Variants in YTHDF3 observed in about 807,000 individuals in gnomAD.
YTHDF3 encodes YTH domain-containing family protein 3.
YTHDF3 carries 9 observed loss-of-function variants against 52.5 expected under a neutral mutation model. That is an observed-to-expected ratio of 0.17 (90% confidence interval 0.10 to 0.30). The LOEUF (loss-of-function observed/expected upper bound fraction) is 0.30. Among genes scored for constraint, YTHDF3 ranks in the 10% least tolerant of loss-of-function variants. The pLI, the probability that YTHDF3 is intolerant of heterozygous loss-of-function variation, is 1.00. For missense variants in YTHDF3, 534 were observed against 715.0 expected (o/e 0.75, Z 2.89); for synonymous variants, 274 against 243.3 (o/e 1.13, Z -1.18).
intron 4 of YTHDF3, among the ~76,000 whole-genome samples, chr8:63,196,589 A>G (rs1040282631): frequency 6.6e-6 from 1 of 151,928 alleles, no homozygotes; most frequent in Non-Finnish European, 1.5e-5. Context: ...ATAAAAAAGG[A>G]CAAAGACAAA....
intron 4 of YTHDF3, among the ~76,000 whole-genome samples, chr8:63,195,958 T>C (rs1369049346): frequency 2.6e-5 from 4 of 152,128 alleles, no homozygotes; most frequent in Admixed American, 2.6e-4. Context: ...TGCGCCACCA[T>C]GCCCATCTAA....
chr8:63,192,426 T>C (rs1471668500), intron 4 of YTHDF3, among the ~76,000 whole-genome samples: 1 of 152,186 alleles, frequency 6.6e-6, no homozygotes, highest in African/African-American at 2.4e-5. Context: ...ACCAGTTAAG[T>C]GATTGACCAG....
intron 3 of YTHDF3, among the ~76,000 whole-genome samples, chr8:63,176,010 T>C (rs1313184693): frequency 6.6e-6 from 1 of 152,206 alleles, no homozygotes; most frequent in Non-Finnish European, 1.5e-5. Context: ...AATCAAGTAA[T>C]TGGTAACTGG....
At chr8:63,200,595 C>G (rs959687890) in intron 4 of YTHDF3, among the ~76,000 whole-genome samples, 1 of 151,968 alleles carries the variant, frequency 6.6e-6, no homozygotes, top group Non-Finnish European at 1.5e-5. Flanking sequence ...TGCCACAACT[C>G]TTTTGAACCT....
intron 4 of YTHDF3, among the ~76,000 whole-genome samples, chr8:63,195,507 C>G (rs896891907): frequency 6.6e-6 from 1 of 151,960 alleles, no homozygotes; most frequent in Non-Finnish European, 1.5e-5. Context: ...AGAAAAATTT[C>G]AAATGTGCAG....
rs550712575 is a variant in YTHDF3 at position 63,187,286 on chromosome 8, T to C, written c.1275T>C (p.Ser425=). The C allele has an allele frequency of 3.1e-6, 5 of 1,614,062 alleles. No individual in the cohort carries two copies. The African/African-American group carries it at 6.7e-5, about 22-fold the overall frequency. ...NGRVFIIKSY[S]EDDIHRSIKY... ...GTGTGTTTATAATTAAAAGCTACTC[T>C]GAGGATGACATACATCGTTCCATTA... The change falls in exon 4 of 5, where the codon TCT becomes TCC. Residue 425 remains serine, a synonymous_variant. Transcript: ENST00000539294.
chr8:63,195,776 C>T (rs1809197415), intron 4 of YTHDF3, among the ~76,000 whole-genome samples: 2 of 149,130 alleles, frequency 1.3e-5, no homozygotes. Flanking sequence ...CCCTGGGCAA[C>T]ATAGACCCTG....
At chr8:63,171,069 TACAC>T (rs1457162064) in intron 2 of YTHDF3, among the ~76,000 whole-genome samples, 2 of 152,194 alleles carry the variant, frequency 1.3e-5, no homozygotes, top group African/African-American at 2.4e-5. Flanking sequence ...TTCAGACACA[TACAC>T]AAAGTGTTTA....
intron 3 of YTHDF3, among the ~76,000 whole-genome samples, chr8:63,182,234 ATTTTTTT>A (rs11348989): frequency 0.029 from 3,203 of 111,692 alleles, 146 homozygotes; most frequent in African/African-American, 0.1. Context: ...TGCCTGGCTA[ATTTTTTT>A]TTTTTTTTTT....
intron 2 of YTHDF3, among the ~76,000 whole-genome samples, chr8:63,170,025 C>T (rs941552452): frequency 2.0e-5 from 3 of 152,138 alleles, no homozygotes; most frequent in South Asian, 2.1e-4. Context: ...TTATAATTTT[C>T]TCTTTAGTAA....
At chr8:63,176,540 A>G (rs990771499) in intron 3 of YTHDF3, among the ~76,000 whole-genome samples, 2 of 152,114 alleles carry the variant, frequency 1.3e-5, no homozygotes, top group Non-Finnish European at 2.9e-5. Context: ...TCGGCCTCCC[A>G]AAGTGCTGGG....
At chr8:63,180,108 G>A (rs1350291578) in intron 3 of YTHDF3, among the ~76,000 whole-genome samples, 2 of 151,348 alleles carry the variant, frequency 1.3e-5, no homozygotes, top group Non-Finnish European at 3.0e-5. Context: ...CGAGGTGGCT[G>A]CTGGGCGGAG....
intron 4 of YTHDF3, among the ~76,000 whole-genome samples, chr8:63,198,132 A>G (rs991528641): frequency 1.3e-5 from 2 of 152,208 alleles, no homozygotes; most frequent in African/African-American, 4.8e-5. Context: ...TAAGCAAGGC[A>G]TAATTATAAT....
intron 4 of YTHDF3, among the ~76,000 whole-genome samples, chr8:63,190,434 A>G (rs1442575833): frequency 6.6e-6 from 1 of 152,078 alleles, no homozygotes; most frequent in Non-Finnish European, 1.5e-5. Context: ...TATTATATAT[A>G]TTGTAGCCAT....
Position 63,173,585 on chromosome 8 carries a change from T to C in YTHDF3, c.50-1746T>C, listed in dbSNP as rs115285229. ...TGTTTCAAATACTGACTAACATGTA[T>C]GAGTGTAATAGTGAAGAATTTTTTT... On this transcript the variant is annotated intron_variant, in intron 2 of 4. Transcript: ENST00000539294. The C allele has an allele frequency of 2.0e-3, 1,635 of 834,726 alleles. 34 individuals carry two copies. The African/African-American group carries it at 0.028, about 15-fold the overall frequency. The allele number at this position is 834,726 out of a possible 1,614,324, so 51.7% of individuals were successfully genotyped here. A position where few individuals can be genotyped will look rare whatever the true frequency, so the allele number is the denominator to read the frequency against.
chr8:63,185,320 G>T (rs553147838), intron 3 of YTHDF3, among the ~76,000 whole-genome samples: 1 of 151,424 alleles, frequency 6.6e-6, no homozygotes, highest in Admixed American at 6.6e-5. Context: ...ATTTTTGGCA[G>T]TTCACTAAAT....
Position 63,203,352 on chromosome 8 carries a change from T to C in YTHDF3, c.1735-6331T>C, listed in dbSNP as rs571202627. 7.9e-5 allele frequency among the ~76,000 whole-genome samples: 12 copies of C among 152,284 alleles called. No homozygotes were observed. In the East Asian group the frequency reaches 2.3e-3, roughly 29 times the overall value. ...CAATAAGGATAAGCAGGACAACCAT[T>C]AAAATAGTAATACCTTATAGAATAT... On this transcript the variant is annotated intron_variant, in intron 4 of 4. Coordinates refer to ENST00000539294, the MANE Select transcript of YTHDF3 (RefSeq NM_152758.6).
At position 63,169,641 on chromosome 8, in the gene YTHDF3, G is replaced by T. The variant is rs140198428; in HGVS notation, c.49+230G>T. ...AGTACGAGAAACAGTTTCCTTGTCA[G>T]TTAAGCAGGTATTGGTGTGAACCTG... On this transcript the variant is annotated intron_variant, in intron 2 of 4. Transcript: ENST00000539294. 6.5e-4 allele frequency: 372 copies of T among 569,388 alleles called. 3 individuals are homozygous for T. Among genetic ancestry groups the T allele is most frequent in the African/African-American group, 6.1e-3 (326 of 53,392 alleles). 35.3% of individuals were successfully genotyped at this position (569,388 alleles called of 1,614,324 possible).
Position 63,168,996 on chromosome 8 carries a change from C to G in YTHDF3, c.24+95C>G, listed in dbSNP as rs1807082623. 1.9e-5 allele frequency: 28 copies of G among 1,507,514 alleles called. No homozygotes were observed. The South Asian group carries it at 3.4e-4, about 18-fold the overall frequency. The allele number at this position is 1,507,514 out of a possible 1,614,324, so 93.4% of individuals were successfully genotyped here. On this transcript the variant is annotated intron_variant, in intron 1 of 4. Transcript: ENST00000539294. Reference sequence around the variant, plus strand: ...GGCTCCTCCCCGTCGCCGCCGCTGCCGGCCCCATAACGGTGCCCCGGGCGC... The same window carrying G: ...GGCTCCTCCCCGTCGCCGCCGCTGCGGGCCCCATAACGGTGCCCCGGGCGC...
Sources: allele counts gnomAD v4.1 joint callset (sites outside exome capture counted in the v4.1 genomes callset), GRCh38; gene constraint gnomAD v4.1.1; transcripts MANE v1.5; gene names NCBI Gene and HGNC (gene_info 2026-07-23, HGNC 2026-07-21).